The following VCPIP1 variants were observed in gnomAD, a reference collection of about 807,000 sequenced individuals.
VCPIP1 encodes the protein valosin containing protein interacting protein 1.
In VCPIP1, 8 loss-of-function variants were observed where a neutral mutation model predicts 85.0. The ratio of observed to expected loss-of-function variants is 0.09; its 90% CI spans 0.06 to 0.17. The LOEUF is 0.17. Among genes scored for constraint, VCPIP1 ranks in the 10% least tolerant of loss-of-function variants. The pLI is 1.00. For synonymous variants in VCPIP1, 543 were observed against 544.5 expected (o/e 1.00, Z 0.04); for missense variants, 1,070 against 1,486.3 (o/e 0.72, Z 4.61).
intron 1 of VCPIP1, among the ~76,000 whole-genome samples, chr8:66,655,596 AAT>A (rs1169523972): frequency 5.3e-5 from 8 of 152,214 alleles, no homozygotes; most frequent in Admixed American, 4.6e-4. Context: ...ACCATTCTTC[AAT>A]GTTACATATA....
In VCPIP1 at chr8:66,651,245, T is replaced by C. The variant is rs544966652; in HGVS notation, c.2797+213A>G. On this transcript the variant is annotated intron_variant, in intron 2 of 2. Coordinates refer to ENST00000310421, the MANE Select transcript of VCPIP1 (RefSeq NM_025054.5). ...ACACATAATTTAAGTGAGAAAAGAA[T>C]AGCAACAAAGTGATAGATTTTTAGT... 6.9e-5 allele frequency among the ~76,000 whole-genome samples: 10 copies of C among 144,698 alleles called. No individual in the cohort carries two copies. In the South Asian group the frequency reaches 1.3e-3, roughly 19 times the overall value. 94.9% of individuals were successfully genotyped at this position (144,698 alleles called of 152,430 possible). A position where few individuals can be genotyped will look rare whatever the true frequency, so the allele number is the denominator to read the frequency against.
Position 66,664,629 on chromosome 8 carries a change from ATCT to A in VCPIP1, c.2327_2329del (p.Lys776del), listed in dbSNP as rs1478783187. On this transcript the variant is annotated inframe_deletion, in exon 1 of 3. Coordinates refer to ENST00000310421, the MANE Select transcript of VCPIP1 (RefSeq NM_025054.5). ...TCGTCCATCATTAGTTGTGATTCGG[ATCT>A]TCTTCTCCTTAGAAGTTGTCGGTGA... 12 of 1,613,890 alleles carry A rather than the reference ATCT, an allele frequency of 7.4e-6. No individual in the cohort carries two copies. Among genetic ancestry groups the A allele is most frequent in the Admixed American group, 1.7e-5 (1 of 59,976 alleles).
intron 1 of VCPIP1, among the ~76,000 whole-genome samples, chr8:66,660,633 C>T (rs1811146069): frequency 6.6e-6 from 1 of 152,206 alleles, no homozygotes; most frequent in African/African-American, 2.4e-5. Flanking sequence ...TCTAAACAAG[C>T]TCTGTCATTT....
intron 2 of VCPIP1, among the ~76,000 whole-genome samples, chr8:66,648,656 G>A (rs1811021425): frequency 6.6e-6 from 1 of 151,994 alleles, no homozygotes; most frequent in Non-Finnish European, 1.5e-5. Flanking sequence ...CTGGGTTCAA[G>A]CAATTCTCGG....
chr8:66,652,010 CA>C (rs113576250), intron 1 of VCPIP1, among the ~76,000 whole-genome samples: 1,347 of 73,530 alleles, frequency 0.018, 27 homozygotes, highest in African/African-American at 0.049. Context: ...TCTATCTCTA[CA>C]AAAAAAAAAA....
intron 1 of VCPIP1, among the ~76,000 whole-genome samples, chr8:66,662,678 A>AT (rs1811168528): frequency 6.6e-6 from 1 of 151,564 alleles, no homozygotes; most frequent in Non-Finnish European, 1.5e-5. Context: ...TTATTTACTT[A>AT]TTCATTTATT....
Position 66,634,350 on chromosome 8 carries a change from C to T in VCPIP1, c.*151G>A. The T allele has an allele frequency of 1.1e-6, 1 of 872,234 alleles. No individual in the cohort carries two copies. The allele number at this position is 872,234 out of a possible 1,614,324, so 54.0% of individuals were successfully genotyped here. A position where few individuals can be genotyped will look rare whatever the true frequency, so the allele number is the denominator to read the frequency against. ...CAGTATATTAAAAGCTATGGCCAAT[C>T]ACACACTTGCTATCATGCACTGAAT... On this transcript the variant is annotated 3_prime_UTR_variant, in exon 3 of 3. Transcript: ENST00000310421.
intron 1 of VCPIP1, 38 bp from the exon 2 acceptor site, chr8:66,651,582 A>G: frequency 6.4e-7 from 1 of 1,557,086 alleles, no homozygotes; most frequent in Non-Finnish European, 8.8e-7. Flanking sequence ...AGCAACAAAC[A>G]AAAGAGTTCC....
intron 1 of VCPIP1, among the ~76,000 whole-genome samples, chr8:66,656,950 G>A (rs1166190116): frequency 6.6e-6 from 1 of 152,096 alleles, no homozygotes; most frequent in African/African-American, 2.4e-5. Context: ...CTGTCCCCCA[G>A]CCTGAAGTGC....
In VCPIP1 at chr8:66,633,706, T is replaced by C. The variant is rs1810855787; in HGVS notation, c.*795A>G. On this transcript the variant is annotated 3_prime_UTR_variant, in exon 3 of 3. Transcript: ENST00000310421. ...TATAAATTCTCTACTGCTACCATTA[T>C]TTCTTTTTCTACCACACTTTGCAAT... The C allele has an allele frequency of 6.6e-6, 1 of 152,122 alleles. No homozygotes were observed. Among genetic ancestry groups the C allele is most frequent in the African/African-American group, 2.4e-5 (1 of 41,434 alleles). 9.4% of individuals were successfully genotyped at this position (152,122 alleles called of 1,614,324 possible). A position where few individuals can be genotyped will look rare whatever the true frequency, so the allele number is the denominator to read the frequency against.
At chr8:66,643,639 G>C (rs554956148) in intron 2 of VCPIP1, among the ~76,000 whole-genome samples, 2 of 151,834 alleles carry the variant, frequency 1.3e-5, no homozygotes, top group Non-Finnish European at 2.9e-5. Context: ...GGAGGCGGAG[G>C]TTGCAGTAAG....
rs777363468 is a variant in VCPIP1, at chr8:66,665,072, A to C, written c.1887T>G (p.Leu629=). 1 of 1,614,078 alleles carries C rather than the reference A, an allele frequency of 6.2e-7. No individual in the cohort carries two copies. Among genetic ancestry groups the C allele is most frequent in the South Asian group, 1.1e-5 (1 of 91,074 alleles). The change falls in exon 1 of 3, where the codon CTT becomes CTG. Residue 629 remains leucine, a synonymous_variant. Transcript: ENST00000310421. This position sits in a 1 kb window ranked among gnomAD's most constrained non-coding sequence, Gnocchi z 4.3. ...NSNVYDVAMK[L]VTKHFPGEFG... ...ATTCACCTGGAAAGTGCTTGGTAAC[A>C]AGTTTCATTGCAACATCGTAAACAT...
chr8:66,654,505 T>C (rs905309195), intron 1 of VCPIP1, among the ~76,000 whole-genome samples: 3 of 152,138 alleles, frequency 2.0e-5, no homozygotes, highest in Non-Finnish European at 2.9e-5. Context: ...TTTCGGCAAA[T>C]TTGAAAGAAC....
chr8:66,652,268 A>G (rs1811061508), intron 1 of VCPIP1, among the ~76,000 whole-genome samples: 1 of 152,226 alleles, frequency 6.6e-6, no homozygotes, highest in Non-Finnish European at 1.5e-5. Context: ...ATCCAGCTCA[A>G]AGGAAACTAG....
In VCPIP1 at chr8:66,628,636, G is replaced by T. The variant is rs940322444; in HGVS notation, c.*5865C>A. The T allele has an allele frequency of 3.9e-5, 6 of 152,184 alleles. No homozygotes were observed. Among genetic ancestry groups the T allele is most frequent in the Non-Finnish European group, 7.3e-5 (5 of 68,032 alleles). The allele number at this position is 152,184 out of a possible 1,614,324, so 9.4% of individuals were successfully genotyped here. ...GGATGTTTATCTTATTTACTAAAGA[G>T]TTTTTGAGAATTCTATTCTGATGGT... is the stretch of plus-strand genomic sequence containing the variant. On this transcript the variant is annotated 3_prime_UTR_variant, in exon 3 of 3. Transcript: ENST00000310421.
Position 66,664,295 on chromosome 8 carries a change from T to C in VCPIP1, c.2664A>G (p.Gln888=). Reference sequence around the variant, plus strand: ...ACAAGGAGTACATTTCTTTTTCAGCTTGCTCCTGAAGTTCCTTAGATGACA... The same window carrying C: ...ACAAGGAGTACATTTCTTTTTCAGCCTGCTCCTGAAGTTCCTTAGATGACA... ...GKLSSKELQE[Q]AEKEMYSLCL... The change falls in exon 1 of 3, where the codon CAA becomes CAG. Residue 888 remains glutamine (Q), a synonymous_variant. Coordinates refer to ENST00000310421, the MANE Select transcript of VCPIP1 (RefSeq NM_025054.5). 6.3e-7 allele frequency: 1 copy of C among 1,599,872 alleles called. No individual in the cohort carries two copies.
intron 2 of VCPIP1, among the ~76,000 whole-genome samples, chr8:66,638,936 TTCTCTCTCTCTCTCTCTCTC>T (rs750894538): frequency 8.4e-5 from 11 of 131,628 alleles, no homozygotes; most frequent in Non-Finnish European, 1.5e-4. Context: ...CAAGAAAACT[TTCTCTCTCTCTCTCTCTCTC>T]TCTCTCTCTC....
chr8:66,640,217 T>C (rs1362577739), intron 2 of VCPIP1, among the ~76,000 whole-genome samples: 1 of 152,226 alleles, frequency 6.6e-6, no homozygotes, highest in Admixed American at 6.5e-5. Context: ...GGCTGTGTTA[T>C]AGTCAGAATT....
chr8:66,646,773 G>A (rs1810999604), intron 2 of VCPIP1, among the ~76,000 whole-genome samples: 1 of 151,924 alleles, frequency 6.6e-6, no homozygotes, highest in African/African-American at 2.4e-5. Context: ...TCCAACCTGG[G>A]TGACGGAGTG....
Sources: gnomAD v4.1 joint callset for allele counts (sites outside exome capture counted in the v4.1 genomes callset) on GRCh38, gnomAD v4.1.1 for gene constraint, Gnocchi (gnomAD v3.1) non-coding constraint, MANE v1.5 for transcripts, NCBI Gene and HGNC (gene_info 2026-07-23, HGNC 2026-07-21) for gene names.